The following AIPL1 variants were observed in gnomAD, a reference collection of about 807,000 sequenced individuals.
AIPL1 encodes AIP like 1 HSP90 co-chaperone.
Under a neutral mutation model 32.9 loss-of-function variants are expected in AIPL1, and 23 were observed. The ratio of observed to expected loss-of-function variants is 0.70; its 90% CI spans 0.50 to 0.99. The LOEUF (loss-of-function observed/expected upper bound fraction) is 0.99. Ranked by LOEUF, AIPL1 falls within the 50% of genes least tolerant of loss-of-function variation. The pLI, the probability that AIPL1 is intolerant of heterozygous loss-of-function variation, is 0.00. For missense variants in AIPL1, 485 were observed against 506.0 expected (o/e 0.96, Z 0.40); for synonymous variants, 210 against 209.4 (o/e 1.00, Z -0.02).
chr17:6,429,418 G>A (rs748850397), intron 2 of AIPL1, among the ~76,000 whole-genome samples: 19 of 152,188 alleles, frequency 1.2e-4, no homozygotes, highest in Non-Finnish European at 2.4e-4. Context: ...CCCACCGGCC[G>A]GGATTAGCCC....
chr17:6,428,411 G>A lies in AIPL1; in HGVS notation c.372C>T (p.Ala124=). The A allele has an allele frequency of 6.2e-7, 1 of 1,613,456 alleles. No homozygotes were observed. The highest frequency in any genetic ancestry group is 8.5e-7 in the Non-Finnish European group (1 of 1,180,048). ...TEWHVHTCGL[A]NMFAYHTLGY... is the part of the protein sequence containing the mutation. ...CCAGCGTGTGGTAGGCGAACATGTT[G>A]GCCAGCCCGCACGTGTGCACGTGCC... Residue 124 remains alanine (A), a synonymous_variant, in exon 3 of 6, where the codon GCC becomes GCT. Transcript: ENST00000381129.
In AIPL1 at chr17:6,434,808, C is replaced by T. The variant is rs551897377; in HGVS notation, c.96+201G>A. 17 of 884,138 alleles carry T rather than the reference C, an allele frequency of 1.9e-5. No homozygotes were observed. In the Admixed American group the frequency reaches 4.7e-4, roughly 24 times the overall value. 54.8% of individuals were successfully genotyped at this position (884,138 alleles called of 1,614,324 possible). A position where few individuals can be genotyped will look rare whatever the true frequency, so the allele number is the denominator to read the frequency against. On this transcript the variant is annotated intron_variant, in intron 1 of 5. Coordinates refer to ENST00000381129, the MANE Select transcript of AIPL1 (RefSeq NM_014336.5). ...ATTCCCAAAAGCCCTTCCCCTCAGC[C>T]CATGCTAAAGTTGAATCTGCAAAGT...
chr17:6,425,489 G>A lies in AIPL1; in HGVS notation c.1126C>T (p.Pro376Ser), dbSNP rs61757484. 3.4e-3 allele frequency: 5,393 copies of A among 1,605,510 alleles called. 170 individuals carry two copies. In the African/African-American group the frequency reaches 0.063, roughly 19 times the overall value. Reference sequence around the variant, plus strand: ...TGCTGCAGCGAGTGCCCTGGGGACGGGGGTGGCTCTGTGGCTGGCTCTGCA... The same window carrying A: ...TGCTGCAGCGAGTGCCCTGGGGACGAGGGTGGCTCTGTGGCTGGCTCTGCA... ...PPAEPATEPP[P>S]SPGHSLQH Residue 376 changes from proline (P) to serine (S), a missense_variant, in exon 6 of 6, where the codon CCG becomes TCG. Pro to Ser is a moderately conservative substitution (Grantham distance 74, BLOSUM62 -1). Transcript: ENST00000381129.
intron 3 of AIPL1, among the ~76,000 whole-genome samples, chr17:6,427,600 G>A (rs1038635176): frequency 6.6e-6 from 1 of 151,968 alleles, no homozygotes; most frequent in Non-Finnish European, 1.5e-5. Flanking sequence ...CCACAAACAC[G>A]CGCTGCCAAT....
rs267605009 is a variant in AIPL1 at position 6,433,948 on chromosome 17, C to T, written c.247G>A (p.Glu83Lys). ...GTGTCGCACCAGAACTCGGCCACCTCGTGCACCCGCATGGAGGTAAGCAGG... is the reference window on the plus strand; with the variant it reads ...GTGTCGCACCAGAACTCGGCCACCTTGTGCACCCGCATGGAGGTAAGCAGG... ...EILLTSMRVH[E>K]VAEFWCDTIH... is the part of the protein sequence containing the mutation. The change falls in exon 2 of 6, where the codon GAG becomes AAG. Residue 83 changes from glutamate to lysine, a missense_variant. Physicochemically the swap from Glu to Lys is moderately conservative, Grantham distance 56. Transcript: ENST00000381129. 2.5e-6 allele frequency: 4 copies of T among 1,612,156 alleles called. No individual in the cohort carries two copies. In the African/African-American group the frequency reaches 4.1e-5, roughly 16 times the overall value.
At position 6,427,072 on chromosome 17, in the gene AIPL1, G is replaced by T. The variant is rs778597304; in HGVS notation, c.466-15C>A. On this transcript the variant is annotated splice_polypyrimidine_tract_variant and intron_variant, in intron 3 of 5. Coordinates refer to ENST00000381129, the MANE Select transcript of AIPL1 (RefSeq NM_014336.5). ...GGGGCATCAACCTGGCCCCAGAGCT[G>T]CAGGTCAGTGAGGCAGGGACCCCAG... The T allele has an allele frequency of 6.2e-7, 1 of 1,613,918 alleles. No homozygotes were observed. Among genetic ancestry groups the T allele is most frequent in the Non-Finnish European group, 8.5e-7 (1 of 1,180,020 alleles).
intron 2 of AIPL1, among the ~76,000 whole-genome samples, chr17:6,433,611 T>TCTCTCTCTCTCTCTCTCTCA (rs758622569): frequency 4.7e-5 from 5 of 106,258 alleles, no homozygotes; most frequent in African/African-American, 1.9e-4. Flanking sequence ...TCTCTCTCTC[T>TCTCTCTCTCTCTCTCTCTCA]CACACACACA....
intron 2 of AIPL1, among the ~76,000 whole-genome samples, chr17:6,432,592 A>C (rs1346957317): frequency 6.6e-6 from 1 of 152,130 alleles, no homozygotes; most frequent in Non-Finnish European, 1.5e-5. Flanking sequence ...GGAGTTTTTA[A>C]AAGATTTCAT....
intron 2 of AIPL1, among the ~76,000 whole-genome samples, chr17:6,429,027 G>T (rs921554084): frequency 5.3e-5 from 8 of 152,194 alleles, no homozygotes; most frequent in Admixed American, 5.2e-4. Flanking sequence ...GTGAGCCCAG[G>T]TCTCTGCACT....
intron 3 of AIPL1, among the ~76,000 whole-genome samples, chr17:6,427,503 A>C (rs1416192867): frequency 1.3e-5 from 2 of 152,122 alleles, no homozygotes; most frequent in Non-Finnish European, 2.9e-5. Context: ...TTATTCACCC[A>C]CATAGCTCTC....
rs751881283 is a variant in AIPL1 at position 6,426,626 on chromosome 17, C to G, written c.773G>C (p.Arg258Pro). ...EVLEHTSDIL[R>P]HHPGIVKAYY... ...GCAGCCCCGCGCACCTGGGTGGTGC[C>G]GGAGAATATCACTGGTGTGCTCCAG... The change falls in exon 5 of 6, where the codon CGG (arginine) becomes CCG (proline). Residue 258 changes from arginine to proline, a missense_variant. Physicochemically the swap from Arg to Pro is moderately radical, Grantham distance 103. Transcript: ENST00000381129. 9 of 1,613,980 alleles carry G rather than the reference C, an allele frequency of 5.6e-6. No individual in the cohort carries two copies. Among genetic ancestry groups the G allele is most frequent in the East Asian group, 4.5e-5 (2 of 44,876 alleles).
At chr17:6,430,853 A>AT (rs1912533559) in intron 2 of AIPL1, among the ~76,000 whole-genome samples, 1 of 152,216 alleles carries the variant, frequency 6.6e-6, no homozygotes, top group African/African-American at 2.4e-5. Flanking sequence ...AATAAAACAG[A>AT]TTTTAAGATA....
chr17:6,426,386 T>C, intron 5 of AIPL1: 2 of 1,423,906 alleles, frequency 1.4e-6, no homozygotes, highest in Non-Finnish European at 1.8e-6. Flanking sequence ...CTTGGCGAGC[T>C]TCCTGGGTAA....
At chr17:6,432,210 C>T (rs926597329) in intron 2 of AIPL1, among the ~76,000 whole-genome samples, 1 of 152,098 alleles carries the variant, frequency 6.6e-6, no homozygotes, top group African/African-American at 2.4e-5. Flanking sequence ...TGGTGAAACC[C>T]TGTCTGTACT....
intron 5 of AIPL1, 195 bp downstream of exon 5, chr17:6,426,420 A>C: frequency 7.0e-7 from 1 of 1,438,754 alleles, no homozygotes; most frequent in Middle Eastern, 2.6e-4. Flanking sequence ...CATTAAAATA[A>C]AGGGCCGCCC....
intron 2 of AIPL1, 52 bp downstream of exon 2, chr17:6,433,867 G>T: frequency 6.3e-7 from 1 of 1,583,134 alleles, no homozygotes; most frequent in South Asian, 1.1e-5. Context: ...AAGCGGGTGG[G>T]TGAGCCCAGA....
At chr17:6,434,239 G>A in intron 1 of AIPL1, 141 bp from the exon 2 acceptor site, 3 of 961,800 alleles carry the variant, frequency 3.1e-6, no homozygotes, top group Non-Finnish European at 4.8e-6. Flanking sequence ...GACCCCTGGA[G>A]CACCTCCACC....
intron 1 of AIPL1, among the ~76,000 whole-genome samples, chr17:6,434,353 GTT>G (rs1442783883): frequency 1.1e-5 from 1 of 91,402 alleles, no homozygotes; most frequent in African/African-American, 4.1e-5. Flanking sequence ...GTAAGCCCGA[GTT>G]CTTTTTTTTT....
In AIPL1 at chr17:6,433,892, G is replaced by A. The variant is rs370801701; in HGVS notation, c.276+27C>T. 17 of 1,610,510 alleles carry A rather than the reference G, an allele frequency of 1.1e-5. No homozygotes were observed. The African/African-American group carries it at 1.5e-4, about 14-fold the overall frequency. On this transcript the variant is annotated intron_variant, in intron 2 of 5. Transcript: ENST00000381129. ...GTGAGCCCAGAAAAGACTAGTCCCA[G>A]GAGACAGGCGCGCAGGGCCTACTTA...
Sources: allele counts gnomAD v4.1 joint callset (sites outside exome capture counted in the v4.1 genomes callset), GRCh38; gene constraint gnomAD v4.1.1; transcripts MANE v1.5; gene names NCBI Gene and HGNC (gene_info 2026-07-23, HGNC 2026-07-21).